The following SAMD5 variants were observed in gnomAD, a reference collection of about 807,000 sequenced individuals.
SAMD5 encodes the protein sterile alpha motif domain containing 5.
A neutral mutation model predicts 11.3 loss-of-function variants in SAMD5; 13 were observed. The ratio of observed to expected loss-of-function variants is 1.15; its 90% CI spans 0.75 to 1.83. The LOEUF (loss-of-function observed/expected upper bound fraction) is 1.83. Ranked by LOEUF, SAMD5 falls within the 40% of genes most tolerant of loss-of-function variation. SAMD5 has a pLI of 0.00. For missense variants in SAMD5, 255 were observed against 239.1 expected, an observed-to-expected ratio of 1.07 and a Z score of -0.44; for synonymous variants, 129 against 111.3, an observed-to-expected ratio of 1.16 and a Z score of -1.00.
At chr6:147,662,976 G>A (rs1048253896) in intron 1 of SAMD5, among the ~76,000 whole-genome samples, 1 of 152,066 alleles carries the variant, frequency 6.6e-6, no homozygotes. Context: ...CAGTATACTA[G>A]TAACTGTCTT....
At chr6:147,932,904 T>C in the SAMD5 span, among the ~76,000 whole-genome samples, 1 of 152,156 alleles carries the variant, frequency 6.6e-6, no homozygotes, top group African/African-American at 2.4e-5. Flanking sequence ...AGGAAAATCA[T>C]GATGATTATG....
At chr6:147,650,635 C>T (rs989392004) in intron 1 of SAMD5, among the ~76,000 whole-genome samples, 28 of 152,152 alleles carry the variant, frequency 1.8e-4, no homozygotes, top group African/African-American at 6.0e-4. Flanking sequence ...TGAGGTGTAT[C>T]TGATGTGATT....
chr6:147,875,920 A>G, the SAMD5 span, among the ~76,000 whole-genome samples: 3 of 152,206 alleles, frequency 2.0e-5, no homozygotes, highest in African/African-American at 7.2e-5. Flanking sequence ...CAATGTAATA[A>G]TAATAGAAAT....
At chr6:147,876,244 A>G in the SAMD5 span, among the ~76,000 whole-genome samples, 52 of 152,272 alleles carry the variant, frequency 3.4e-4, 2 homozygotes, top group South Asian at 0.01. Context: ...TCTGAGAGAG[A>G]AGAAGATGTG....
intron 1 of SAMD5, among the ~76,000 whole-genome samples, chr6:147,537,596 CA>C (rs34115551): frequency 2.0e-5 from 3 of 150,682 alleles, no homozygotes; most frequent in African/African-American, 4.9e-5. Context: ...ACTAAAAATA[CA>C]AAAAAAAATT....
intron 1 of SAMD5, among the ~76,000 whole-genome samples, chr6:147,585,461 T>C (rs1789360985): frequency 6.6e-6 from 1 of 152,160 alleles, no homozygotes; most frequent in African/African-American, 2.4e-5. Flanking sequence ...GGCTCAGTAC[T>C]GACTCTTACG....
intron 1 of SAMD5, among the ~76,000 whole-genome samples, chr6:147,678,299 AAC>A (rs1790893628): frequency 1.3e-5 from 2 of 152,216 alleles, no homozygotes; most frequent in African/African-American, 2.4e-5. Context: ...ATTGTAAACT[AAC>A]ACAGTCTCTC....
downstream of SAMD5, among the ~76,000 whole-genome samples, chr6:147,571,711 A>G (rs1240465566): frequency 6.6e-6 from 1 of 152,154 alleles, no homozygotes; most frequent in Non-Finnish European, 1.5e-5. Flanking sequence ...TTTAACTTCA[A>G]CTTCATTTTG....
At position 147,593,458 on chromosome 6, in the gene SAMD5, G is replaced by A. The variant is rs75806854; in HGVS notation, c.162+84071G>A. 2.3e-4 allele frequency among the ~76,000 whole-genome samples: 35 copies of A among 152,276 alleles called. No homozygotes were observed. In the East Asian group the frequency reaches 6.6e-3, roughly 29 times the overall value. On this transcript the variant is annotated intron_variant, in intron 1 of 1. Coordinates refer to the SAMD5 transcript ENST00000566741. ...TGTTCAAAAAGTCACCGATTTAATA[G>A]AGCTTATAGAAGTGCCATAAAATGT... is the stretch of plus-strand genomic sequence containing the variant.
At chr6:147,730,782 T>C (rs1490981647) in intron 1 of SAMD5, among the ~76,000 whole-genome samples, 1 of 151,922 alleles carries the variant, frequency 6.6e-6, no homozygotes, top group East Asian at 1.9e-4. Context: ...ACCAGGAGTT[T>C]TAAGGAAGGG....
At chr6:147,513,855 C>T (rs967969210) in intron 1 of SAMD5, among the ~76,000 whole-genome samples, 3 of 152,088 alleles carry the variant, frequency 2.0e-5, no homozygotes, top group African/African-American at 4.8e-5. Context: ...AGGACAAGAA[C>T]AGAATCACTT....
intron 1 of SAMD5, among the ~76,000 whole-genome samples, chr6:147,647,831 C>G (rs1283592127): frequency 6.6e-6 from 1 of 152,162 alleles, no homozygotes; most frequent in African/African-American, 2.4e-5. Context: ...AACTCACACC[C>G]TCTTCTGAAA....
chr6:147,725,006 AT>A (rs1466589005), intron 1 of SAMD5, among the ~76,000 whole-genome samples: 1 of 152,108 alleles, frequency 6.6e-6, no homozygotes, highest in Non-Finnish European at 1.5e-5. Flanking sequence ...AACCAGTCAT[AT>A]TTTTTGTTGA....
intron 1 of SAMD5, among the ~76,000 whole-genome samples, chr6:147,617,173 T>C (rs1789885740): frequency 6.6e-6 from 1 of 152,186 alleles, no homozygotes; most frequent in African/African-American, 2.4e-5. Flanking sequence ...TCATACCTGA[T>C]ATGAAAAGAT....
At chr6:147,927,670 C>T in the SAMD5 span, among the ~76,000 whole-genome samples, 2 of 152,228 alleles carry the variant, frequency 1.3e-5, no homozygotes, top group Non-Finnish European at 2.9e-5. Flanking sequence ...TTTCTCTTTC[C>T]TGATTGCTCT....
the SAMD5 span, among the ~76,000 whole-genome samples, chr6:147,890,381 T>A: frequency 6.6e-6 from 1 of 150,766 alleles, no homozygotes; most frequent in South Asian, 2.1e-4. Context: ...TTTTTTGAGA[T>A]GGCATCTTGC....
intron 1 of SAMD5, among the ~76,000 whole-genome samples, chr6:147,657,198 A>C (rs1790583611): frequency 6.6e-6 from 1 of 152,176 alleles, no homozygotes; most frequent in Non-Finnish European, 1.5e-5. Context: ...AGGAAAAATT[A>C]GAAAACATAC....
chr6:147,823,950 G>A, the SAMD5 span, among the ~76,000 whole-genome samples: 1 of 152,070 alleles, frequency 6.6e-6, no homozygotes, highest in African/African-American at 2.4e-5. Context: ...TGAAAATTAT[G>A]AATTTCCATT....
chr6:147,536,593 T>C (rs927934890), intron 1 of SAMD5, among the ~76,000 whole-genome samples: 1 of 152,144 alleles, frequency 6.6e-6, no homozygotes, highest in African/African-American at 2.4e-5. Flanking sequence ...CATAGAGCCT[T>C]ATATTTGATT....
Sources: gnomAD v4.1 joint callset for allele counts (sites outside exome capture counted in the v4.1 genomes callset) on GRCh38, gnomAD v4.1.1 for gene constraint, MANE v1.5 for transcripts, NCBI Gene and HGNC (gene_info 2026-07-23, HGNC 2026-07-21) for gene names.